The following KIAA1217 variants were observed in gnomAD, a reference collection of about 807,000 sequenced individuals.
KIAA1217 encodes the protein sickle tail protein homolog.
Under a neutral mutation model 163.9 loss-of-function variants are expected in KIAA1217, and 88 were observed. That is an observed-to-expected ratio of 0.54 (90% CI 0.45 to 0.64). The LOEUF (loss-of-function observed/expected upper bound fraction) is 0.64. Ranked by LOEUF, KIAA1217 falls within the 30% of genes least tolerant of loss-of-function variation. The pLI is 0.00. For missense variants in KIAA1217, 2,372 were observed against 2,475.0 expected, an observed-to-expected ratio of 0.96 and a Z score of 0.88; for synonymous variants, 903 against 923.1, an observed-to-expected ratio of 0.98 and a Z score of 0.39.
Position 24,088,344 on chromosome 10 carries a change from G to A in KIAA1217, c.-171+80970G>A, listed in dbSNP as rs1408398269. 5.2e-5 allele frequency among the ~76,000 whole-genome samples: 6 copies of A among 116,252 alleles called. 1 individual carries two copies. Among genetic ancestry groups the A allele is most frequent in the African/African-American group, 1.6e-4 (6 of 38,190 alleles). The allele number at this position is 116,252 out of a possible 152,430, so 76.3% of individuals were successfully genotyped here. On this transcript the variant is annotated intron_variant, in intron 2 of 18. Coordinates refer to the KIAA1217 transcript ENST00000376462. Reference sequence around the variant, plus strand: ...AAGTTCTAGGGTACATGTGCACAACGTGCAGGTTTGTTACATATGTATACA... The same window carrying A: ...AAGTTCTAGGGTACATGTGCACAACATGCAGGTTTGTTACATATGTATACA...
At chr10:24,328,282 G>T (rs182319341) in intron 2 of KIAA1217, among the ~76,000 whole-genome samples, 1 of 152,250 alleles carries the variant, frequency 6.6e-6, no homozygotes, top group East Asian at 1.9e-4. Flanking sequence ...CAGGAATTAG[G>T]GAGAGGTAAG....
intron 2 of KIAA1217, among the ~76,000 whole-genome samples, chr10:24,377,688 T>C (rs1203281921): frequency 6.6e-6 from 1 of 152,096 alleles, no homozygotes; most frequent in African/African-American, 2.4e-5. Context: ...CCTCATAAAT[T>C]TGGGGGAAAT....
At chr10:23,836,635 A>G (rs1486140139) in intron 1 of KIAA1217, among the ~76,000 whole-genome samples, 3 of 151,660 alleles carry the variant, frequency 2.0e-5, no homozygotes. Context: ...AGAATAACGC[A>G]CATTTTAGGC....
chr10:24,180,565 T>C (rs1471069069), intron 2 of KIAA1217, among the ~76,000 whole-genome samples: 2 of 152,304 alleles, frequency 1.3e-5, no homozygotes, highest in South Asian at 2.1e-4. Flanking sequence ...CTCTCTGTAA[T>C]ACCATTTCCT....
chr10:24,020,673 T>C (rs1198315398), intron 2 of KIAA1217, among the ~76,000 whole-genome samples: 1 of 152,014 alleles, frequency 6.6e-6, no homozygotes, highest in East Asian at 1.9e-4. Flanking sequence ...GAGTACAATC[T>C]GTGCACAATC....
At chr10:24,136,334 A>G (rs1405745100) in intron 2 of KIAA1217, among the ~76,000 whole-genome samples, 1 of 152,210 alleles carries the variant, frequency 6.6e-6, no homozygotes, top group Non-Finnish European at 1.5e-5. Flanking sequence ...CGATTTCTAA[A>G]GAGGAAGGGG....
At chr10:24,224,565 G>A (rs989298740) in intron 2 of KIAA1217, among the ~76,000 whole-genome samples, 4 of 151,794 alleles carry the variant, frequency 2.6e-5, no homozygotes, top group South Asian at 2.1e-4. Context: ...AGTGATCTGC[G>A]TGCCTCAGCC....
chr10:24,131,874 A>C (rs1445347498), intron 2 of KIAA1217, among the ~76,000 whole-genome samples: 1 of 152,146 alleles, frequency 6.6e-6, no homozygotes, highest in Non-Finnish European at 1.5e-5. Context: ...TGATTTTAGA[A>C]GTGTATCATT....
intron 2 of KIAA1217, among the ~76,000 whole-genome samples, chr10:24,237,515 G>A (rs2072457598): frequency 6.6e-6 from 1 of 152,118 alleles, no homozygotes; most frequent in South Asian, 2.1e-4. Context: ...CTGAGATACT[G>A]TAATTTCCTA....
chr10:24,144,653 A>G (rs950577293), intron 2 of KIAA1217, among the ~76,000 whole-genome samples: 2 of 152,208 alleles, frequency 1.3e-5, no homozygotes, highest in Non-Finnish European at 2.9e-5. Context: ...TAGGAAGGAG[A>G]TGATACGTGT....
chr10:23,970,345 G>T (rs762445424), intron 1 of KIAA1217, among the ~76,000 whole-genome samples: 2 of 152,140 alleles, frequency 1.3e-5, no homozygotes, highest in Non-Finnish European at 2.9e-5. Context: ...CTATCTGGAG[G>T]AACCTGGGCA....
chr10:23,923,948 C>G (rs1272406361), intron 1 of KIAA1217, among the ~76,000 whole-genome samples: 1 of 151,972 alleles, frequency 6.6e-6, no homozygotes, highest in Non-Finnish European at 1.5e-5. Flanking sequence ...TCACGTTTAC[C>G]TTTATTTTTT....
intron 1 of KIAA1217, among the ~76,000 whole-genome samples, chr10:24,210,615 A>G (rs1378331923): frequency 6.6e-6 from 1 of 152,184 alleles, no homozygotes; most frequent in East Asian, 1.9e-4. Flanking sequence ...AGGGCAATTC[A>G]GAGGCTTCAG....
intron 2 of KIAA1217, among the ~76,000 whole-genome samples, chr10:24,226,462 T>TAA (rs570681774): frequency 7.7e-5 from 11 of 141,950 alleles, no homozygotes; most frequent in Non-Finnish European, 1.5e-4. Context: ...CCGTCTCTAC[T>TAA]AAAAAAAAAA....
chr10:24,102,139 G>A (rs2131720387), intron 2 of KIAA1217, among the ~76,000 whole-genome samples: 1 of 152,188 alleles, frequency 6.6e-6, no homozygotes, highest in African/African-American at 2.4e-5. Context: ...TATCTACATA[G>A]AAAATCTGAA....
At chr10:24,117,418 T>C (rs1207663647) in intron 2 of KIAA1217, among the ~76,000 whole-genome samples, 1 of 152,148 alleles carries the variant, frequency 6.6e-6, no homozygotes, top group Non-Finnish European at 1.5e-5. Context: ...TGTGGGAGGA[T>C]TGCTTGAGCC....
intron 6 of KIAA1217, among the ~76,000 whole-genome samples, chr10:24,489,580 T>C (rs965617558): frequency 2.0e-5 from 3 of 151,734 alleles, no homozygotes; most frequent in African/African-American, 7.3e-5. Context: ...CAAAAAGTTA[T>C]ATAAGTGGGC....
intron 11 of KIAA1217, among the ~76,000 whole-genome samples, chr10:24,520,662 A>T (rs1399828475): frequency 3.1e-5 from 3 of 97,362 alleles, no homozygotes; most frequent in African/African-American, 8.9e-5. Context: ...ATATATATAT[A>T]TATATATATA....
In KIAA1217 at chr10:24,349,253, A is replaced by G. The variant is rs930013509; in HGVS notation, c.355-31616A>G. 2.0e-5 allele frequency among the ~76,000 whole-genome samples: 3 copies of G among 152,304 alleles called. No individual in the cohort carries two copies. The South Asian group carries it at 6.2e-4, about 32-fold the overall frequency. The stretch of plus-strand genomic sequence containing the variant: ...TACTGATTTTGTTTGTGAAGAACAT[A>G]TAACCTGGTTATTTGAAAGAAAAAA... On this transcript the variant is annotated intron_variant, in intron 2 of 20. Transcript: ENST00000376454.
Sources: allele counts gnomAD v4.1 joint callset (sites outside exome capture counted in the v4.1 genomes callset), GRCh38; gene constraint gnomAD v4.1.1; transcripts MANE v1.5; gene names NCBI Gene and HGNC (gene_info 2026-07-23, HGNC 2026-07-21).